Variants in CABCOCO1 observed in about 807,000 individuals in gnomAD.
CABCOCO1 encodes ciliary-associated calcium-binding coiled-coil protein 1.
Under a neutral mutation model 35.7 loss-of-function variants are expected in CABCOCO1, and 28 were observed. The observed-to-expected ratio is 0.78, with a 90% CI of 0.58 to 1.07. The LOEUF (loss-of-function observed/expected upper bound fraction) is 1.07. Ranked by LOEUF, CABCOCO1 falls within the 50% of genes least tolerant of loss-of-function variation. CABCOCO1 has a pLI of 0.00. For synonymous variants in CABCOCO1, 95 were observed against 100.1 expected, an observed-to-expected ratio of 0.95 and a Z score of 0.30; for missense variants, 326 against 309.2, an observed-to-expected ratio of 1.05 and a Z score of -0.41.
At chr10:61,755,030 G>C (rs1174891247) in intron 5 of CABCOCO1, among the ~76,000 whole-genome samples, 2 of 152,156 alleles carry the variant, frequency 1.3e-5, no homozygotes, top group African/African-American at 4.8e-5. Flanking sequence ...AAATGCAAAG[G>C]AGGAGGAGGA....
intron 5 of CABCOCO1, among the ~76,000 whole-genome samples, chr10:61,749,222 A>G (rs960647981): frequency 4.6e-5 from 7 of 152,232 alleles, no homozygotes; most frequent in Non-Finnish European, 8.8e-5. Context: ...AGCACATTAC[A>G]GTGCACAGTG....
chr10:61,759,555 T>G (rs1335040031), intron 5 of CABCOCO1, among the ~76,000 whole-genome samples: 1 of 152,082 alleles, frequency 6.6e-6, no homozygotes, highest in Non-Finnish European at 1.5e-5. Flanking sequence ...CTTCCTGATC[T>G]ACTGGCTTCA....
intron 1 of CABCOCO1, among the ~76,000 whole-genome samples, chr10:61,664,081 G>A (rs1051070853): frequency 6.6e-6 from 1 of 152,122 alleles, no homozygotes; most frequent in Non-Finnish European, 1.5e-5. Context: ...GCTGTTCCCA[G>A]TCGAGATTCC....
At chr10:61,726,247 T>C (rs542368527) in intron 5 of CABCOCO1, among the ~76,000 whole-genome samples, 1 of 152,218 alleles carries the variant, frequency 6.6e-6, no homozygotes, top group Non-Finnish European at 1.5e-5. Context: ...ATAGTGTTTC[T>C]CAATAAGAAA....
chr10:61,756,579 C>T (rs937638472), intron 5 of CABCOCO1, among the ~76,000 whole-genome samples: 1 of 151,960 alleles, frequency 6.6e-6, no homozygotes. Context: ...GCAAGAGAAA[C>T]ACATTTATTG....
At chr10:61,687,857 G>T (rs1262511450) in intron 4 of CABCOCO1, among the ~76,000 whole-genome samples, 2 of 152,126 alleles carry the variant, frequency 1.3e-5, no homozygotes, top group Admixed American at 1.3e-4. Context: ...TTATTTCAAA[G>T]AAATTATGCA....
At chr10:61,701,152 T>C (rs1840447360) in intron 5 of CABCOCO1, among the ~76,000 whole-genome samples, 1 of 152,118 alleles carries the variant, frequency 6.6e-6, no homozygotes, top group Non-Finnish European at 1.5e-5. Flanking sequence ...TGAAATTATG[T>C]TTTGCAATCA....
intron 5 of CABCOCO1, among the ~76,000 whole-genome samples, chr10:61,691,621 C>T (rs1342419936): frequency 6.6e-6 from 1 of 152,020 alleles, no homozygotes; most frequent in Non-Finnish European, 1.5e-5. Context: ...TTAGGTATTT[C>T]TCCTAATACT....
intron 5 of CABCOCO1, among the ~76,000 whole-genome samples, chr10:61,708,664 T>A (rs1840653070): frequency 1.3e-5 from 2 of 152,088 alleles, no homozygotes; most frequent in Non-Finnish European, 2.9e-5. Context: ...GGTGGAGCCA[T>A]CGTGACCTAA....
chr10:61,746,182 A>AAATCATTAAT (rs1226228378), intron 5 of CABCOCO1, among the ~76,000 whole-genome samples: 3 of 152,224 alleles, frequency 2.0e-5, no homozygotes, highest in Non-Finnish European at 2.9e-5. Flanking sequence ...ATATATTAAT[A>AAATCATTAAT]AAATCATGTT....
intron 5 of CABCOCO1, among the ~76,000 whole-genome samples, chr10:61,735,875 G>A (rs532886909): frequency 1.2e-4 from 18 of 152,184 alleles, no homozygotes; most frequent in African/African-American, 3.4e-4. Flanking sequence ...CACCTGAAGC[G>A]CTTTAAAAAC....
intron 3 of CABCOCO1, among the ~76,000 whole-genome samples, chr10:61,682,589 T>C (rs1239035593): frequency 6.6e-6 from 1 of 152,198 alleles, no homozygotes; most frequent in East Asian, 1.9e-4. Context: ...CTTATGATGC[T>C]AAATTGGTTT....
intron 1 of CABCOCO1, among the ~76,000 whole-genome samples, chr10:61,664,869 G>A (rs562184954): frequency 4.6e-5 from 7 of 152,268 alleles, no homozygotes; most frequent in African/African-American, 1.4e-4. Context: ...CTCTCTTGTG[G>A]TCTGTTCCCA....
chr10:61,740,246 T>C (rs1343208789), intron 5 of CABCOCO1, among the ~76,000 whole-genome samples: 2 of 152,210 alleles, frequency 1.3e-5, no homozygotes, highest in Non-Finnish European at 2.9e-5. Context: ...GAGAGGGAAC[T>C]CTTGTATAAT....
At chr10:61,714,895 G>A (rs1013232929) in intron 5 of CABCOCO1, among the ~76,000 whole-genome samples, 2 of 152,098 alleles carry the variant, frequency 1.3e-5, no homozygotes, top group African/African-American at 4.8e-5. Context: ...TGTGATTTCT[G>A]TTCTTTTACA....
chr10:61,672,494 T>C (rs1839391023), intron 1 of CABCOCO1, among the ~76,000 whole-genome samples, 138 bp from the exon 2 acceptor site: 1 of 152,242 alleles, frequency 6.6e-6, no homozygotes, highest in Non-Finnish European at 1.5e-5. Flanking sequence ...AAAGAAAAGA[T>C]ACCATCTCGA....
intron 5 of CABCOCO1, among the ~76,000 whole-genome samples, chr10:61,697,064 A>G (rs1281650329): frequency 6.6e-6 from 1 of 152,142 alleles, no homozygotes; most frequent in African/African-American, 2.4e-5. Flanking sequence ...AGTTGGTGCA[A>G]GGTTAAATTT....
intron 4 of CABCOCO1, 52 bp from the exon 5 acceptor site, chr10:61,690,497 T>G (rs980875955): frequency 7.1e-6 from 9 of 1,269,578 alleles, no homozygotes; most frequent in Non-Finnish European, 1.0e-5. Context: ...ACATATTGTG[T>G]TTTTTTTCCT....
intron 1 of CABCOCO1, among the ~76,000 whole-genome samples, chr10:61,671,460 A>G (rs35142132): frequency 0.12 from 17,549 of 152,210 alleles, 1,311 homozygotes; most frequent in African/African-American, 0.18. Context: ...CTGTGTCAGC[A>G]TTAGGGAAAT....
Sources: gnomAD v4.1 joint callset for allele counts (sites outside exome capture counted in the v4.1 genomes callset) on GRCh38, gnomAD v4.1.1 for gene constraint, MANE v1.5 for transcripts, NCBI Gene and HGNC (gene_info 2026-07-23, HGNC 2026-07-21) for gene names.